The following RASA3 variants were observed in gnomAD, a reference collection of about 807,000 sequenced individuals.
RASA3 encodes ras GTPase-activating protein 3.
A neutral mutation model predicts 110.0 loss-of-function variants in RASA3; 73 were observed. The ratio of observed to expected loss-of-function variants is 0.66; its 90% CI spans 0.55 to 0.81. The LOEUF (loss-of-function observed/expected upper bound fraction) is 0.81, where lower values mean the gene tolerates loss of function less well. RASA3 is among the 30% of genes least tolerant of loss of function. RASA3 has a pLI of 0.00. For synonymous variants in RASA3, 500 were observed against 451.4 expected (o/e 1.11, Z -1.37); for missense variants, 976 against 1,113.2 (o/e 0.88, Z 1.75).
chr13:114,080,966 C>T (rs1317499818), intron 1 of RASA3, among the ~76,000 whole-genome samples: 2 of 140,102 alleles, frequency 1.4e-5, no homozygotes, highest in Non-Finnish European at 3.2e-5. Flanking sequence ...GGCCGTCCAC[C>T]TAGAACACCA....
chr13:114,041,436 C>T (rs1171996107), intron 3 of RASA3, among the ~76,000 whole-genome samples: 2 of 152,260 alleles, frequency 1.3e-5, no homozygotes, highest in Non-Finnish European at 2.9e-5. Context: ...TCCAGTAAGG[C>T]GTTCCAGAGG....
chr13:114,041,646 G>C (rs145739918), intron 3 of RASA3, among the ~76,000 whole-genome samples: 1 of 152,240 alleles, frequency 6.6e-6, no homozygotes. Context: ...GCACCCGTGC[G>C]AGCGACAGCC....
rs1271361793 is a variant in RASA3 at position 113,978,394 on chromosome 13, C to G, written c.*953G>C. On this transcript the variant is annotated 3_prime_UTR_variant, in exon 24 of 24. Coordinates refer to ENST00000334062, the MANE Select transcript of RASA3 (RefSeq NM_007368.4). Reference sequence around the variant, plus strand: ...GCTCCATTCCTGTTCCATTTGCCTTCCCGGCAGCCTTCCCTTTAGTGGGTA... The same window carrying G: ...GCTCCATTCCTGTTCCATTTGCCTTGCCGGCAGCCTTCCCTTTAGTGGGTA... 6.6e-6 allele frequency: 1 copy of G among 152,206 alleles called. No individual in the cohort carries two copies. Among genetic ancestry groups the G allele is most frequent in the Non-Finnish European group, 1.5e-5 (1 of 68,052 alleles). The allele number at this position is 152,206 out of a possible 1,614,324, so 9.4% of individuals were successfully genotyped here.
intron 15 of RASA3, among the ~76,000 whole-genome samples, chr13:114,012,669 C>T (rs2053663174): frequency 8.2e-6 from 1 of 122,394 alleles, no homozygotes; most frequent in African/African-American, 2.9e-5. Flanking sequence ...TCCACACTCC[C>T]CACACACTGT....
chr13:114,081,252 G>A (rs547904107), intron 1 of RASA3, among the ~76,000 whole-genome samples: 76 of 152,290 alleles, frequency 5.0e-4, no homozygotes, highest in African/African-American at 1.7e-3. Flanking sequence ...AGACTCACGC[G>A]TCCCGAGACC....
At chr13:114,062,655 C>T (rs904002714) in intron 2 of RASA3, among the ~76,000 whole-genome samples, 2 of 151,526 alleles carry the variant, frequency 1.3e-5, no homozygotes, top group South Asian at 2.1e-4. Context: ...CTCGGACACG[C>T]GTGCTCACAG....
intron 20 of RASA3, among the ~76,000 whole-genome samples, chr13:113,997,769 G>A (rs567387585): frequency 6.6e-6 from 1 of 152,284 alleles, no homozygotes; most frequent in South Asian, 2.1e-4. Flanking sequence ...GGAGTCAGGG[G>A]GACAGTGGCC....
chr13:114,104,395 G>A lies in RASA3; in HGVS notation c.55+28040C>T, dbSNP rs189170980. Among the ~76,000 whole-genome samples the A allele has an allele frequency of 1.5e-4, 23 of 151,118 alleles. 2 individuals carry two copies. In the East Asian group the frequency reaches 4.1e-3, roughly 27 times the overall value. On this transcript the variant is annotated intron_variant, in intron 1 of 23. Transcript: ENST00000334062. The stretch of plus-strand genomic sequence containing the variant: ...GCCCCAGCCACAGACACCCACTGGT[G>A]ATGCGGCCTGAGATGCCACCACACC...
rs567406630 is a variant in RASA3 at position 114,065,199 on chromosome 13, T to C, written c.173+8521A>G. Among the ~76,000 whole-genome samples the C allele has an allele frequency of 6.6e-6, 1 of 152,306 alleles. No homozygotes were observed. Among genetic ancestry groups the C allele is most frequent in the Non-Finnish European group, 1.5e-5 (1 of 68,022 alleles). ...GACCAGCAGAGAAACCCCCGCCTTC[T>C]CCTCCCTGAGTCACTTCCCAGCATC... On this transcript the variant is annotated intron_variant, in intron 2 of 23. Coordinates refer to ENST00000334062, the MANE Select transcript of RASA3 (RefSeq NM_007368.4). This position sits in a 1 kb window ranked among gnomAD's most constrained non-coding sequence, Gnocchi z 4.1.
chr13:114,064,021 C>T (rs752715453), intron 2 of RASA3, among the ~76,000 whole-genome samples: 5 of 152,248 alleles, frequency 3.3e-5, no homozygotes, highest in Middle Eastern at 3.4e-3. Flanking sequence ...TTTAACCCTC[C>T]GGGAACTTCT....
chr13:113,979,480 C>T (rs1014832056), intron 23 of RASA3, 58 bp from the exon 24 acceptor site: 23 of 1,394,722 alleles, frequency 1.6e-5, no homozygotes, highest in African/African-American at 2.9e-5. Context: ...GGTGCTCACC[C>T]GTGGCTGCGG....
intron 4 of RASA3, chr13:114,035,806 C>T (rs962179099): frequency 6.6e-6 from 1 of 152,248 alleles, no homozygotes; most frequent in Non-Finnish European, 1.5e-5. Context: ...TCTTACAACC[C>T]TGGAGAGATG....
At chr13:114,015,177 C>T in intron 14 of RASA3, 32 bp downstream of exon 14, 5 of 1,611,836 alleles carry the variant, frequency 3.1e-6, no homozygotes, top group Non-Finnish European at 4.2e-6. Context: ...ATGGCAGTTT[C>T]TCAGCAACAT....
chr13:114,062,322 G>T (rs1055635756), intron 2 of RASA3, among the ~76,000 whole-genome samples: 1 of 151,792 alleles, frequency 6.6e-6, no homozygotes, highest in African/African-American at 2.4e-5. Flanking sequence ...ATTGAGGGGG[G>T]GCTCGCATTG....
At chr13:114,124,713 G>A (rs374002962) in intron 1 of RASA3, among the ~76,000 whole-genome samples, 3 of 152,248 alleles carry the variant, frequency 2.0e-5, no homozygotes, top group Non-Finnish European at 4.4e-5. Flanking sequence ...CGCCCGCTGC[G>A]GCCTGACGGA....
chr13:114,003,480 T>C (rs1211649467), intron 18 of RASA3, among the ~76,000 whole-genome samples: 3 of 152,208 alleles, frequency 2.0e-5, no homozygotes, highest in South Asian at 2.1e-4. Context: ...ATGTAGAAAG[T>C]AAAAAGTTTC....
chr13:113,998,605 C>T (rs2053310231), intron 20 of RASA3, among the ~76,000 whole-genome samples: 2 of 152,182 alleles, frequency 1.3e-5, no homozygotes, highest in African/African-American at 4.8e-5. Context: ...CCAGGGAGAA[C>T]GTGGCCAGCG....
chr13:114,018,144 A>C lies in RASA3; in HGVS notation c.1051T>G (p.Phe351Val). 1 of 1,550,156 alleles carries C rather than the reference A, an allele frequency of 6.5e-7. No individual in the cohort carries two copies. The change falls in exon 11 of 24, where the codon TTC (phenylalanine) becomes GTC (valine). Residue 351 changes from phenylalanine to valine, a missense_variant. Physicochemically the swap from Phe to Val is conservative, Grantham distance 50. This residue lies in a region of RASA3 where 732 missense variants were observed against 779.7 expected (regional missense o/e 0.94). Coordinates refer to ENST00000334062, the MANE Select transcript of RASA3 (RefSeq NM_007368.4). ...TCCGCGCTGGCGATGGCACTGATGA[A>C]TGGCACCACCCTGCCATAGTGTAGG... ...LFLHYGRVVP[F>V]ISAIASAEVK...
chr13:114,024,745 C>T (rs991301879), intron 7 of RASA3, among the ~76,000 whole-genome samples: 2 of 152,258 alleles, frequency 1.3e-5, no homozygotes, highest in Non-Finnish European at 2.9e-5. Flanking sequence ...GCCGCCCTCC[C>T]GTGGCCCCAC....
Sources: gnomAD v4.1 joint callset for allele counts (sites outside exome capture counted in the v4.1 genomes callset) on GRCh38, gnomAD v4.1.1 for gene constraint, gnomAD v4.1.1 regional missense constraint, Gnocchi (gnomAD v3.1) non-coding constraint, MANE v1.5 for transcripts, NCBI Gene and HGNC (gene_info 2026-07-23, HGNC 2026-07-21) for gene names.